The following FBRSL1 variants were observed in gnomAD, a reference collection of about 807,000 sequenced individuals.
FBRSL1 encodes fibrosin-1-like protein.
FBRSL1 carries 51 observed loss-of-function variants against 89.6 expected under a neutral mutation model. That is an observed-to-expected ratio of 0.57 (90% CI 0.45 to 0.72). The LOEUF (loss-of-function observed/expected upper bound fraction) is 0.72. Among genes scored for constraint, FBRSL1 ranks in the 30% least tolerant of loss-of-function variants. The pLI is 0.00. For synonymous variants in FBRSL1, 779 were observed against 681.1 expected, an observed-to-expected ratio of 1.14 and a Z score of -2.24; for missense variants, 1,618 against 1,451.8, an observed-to-expected ratio of 1.11 and a Z score of -1.86.
chr12:132,578,455 TGAG>T (rs1324727590), intron 15 of FBRSL1, among the ~76,000 whole-genome samples: 2 of 151,894 alleles, frequency 1.3e-5, no homozygotes, highest in Non-Finnish European at 2.9e-5. Flanking sequence ...CGGAGTGGGC[TGAG>T]GAGGAGGAGG....
At chr12:132,527,529 C>T (rs1275771763) in intron 3 of FBRSL1, among the ~76,000 whole-genome samples, 1 of 152,240 alleles carries the variant, frequency 6.6e-6, no homozygotes, top group Non-Finnish European at 1.5e-5. Flanking sequence ...GAGAGGATGT[C>T]TCGCTGGTGG....
rs1177278720 is a variant in FBRSL1, at chr12:132,583,802, C to G, written c.*24C>G. On this transcript the variant is annotated 3_prime_UTR_variant, in exon 19 of 19. Coordinates refer to ENST00000680143, the MANE Select transcript of FBRSL1 (RefSeq NM_001367871.1). ...AGCCCCGGGGCCGCAGACGCCTCTC[C>G]GAGCGGAGCGCACCGCTGTCCGTCT... 11 of 1,182,420 alleles carry G rather than the reference C, an allele frequency of 9.3e-6. No homozygotes were observed. Among genetic ancestry groups the G allele is most frequent in the South Asian group, 8.5e-5 (2 of 23,544 alleles). 73.2% of individuals were successfully genotyped at this position (1,182,420 alleles called of 1,614,324 possible). A position where few individuals can be genotyped will look rare whatever the true frequency, so the allele number is the denominator to read the frequency against.
chr12:132,525,682 C>T (rs556238887), intron 2 of FBRSL1, 52 bp from the exon 3 acceptor site: 78 of 1,463,460 alleles, frequency 5.3e-5, no homozygotes, highest in Non-Finnish European at 6.5e-5. Flanking sequence ...GGCCCCGATG[C>T]GGACGCGGTG....
chr12:132,578,343 TCA>T (rs3221291), intron 15 of FBRSL1, among the ~76,000 whole-genome samples: 19 of 141,086 alleles, frequency 1.3e-4, no homozygotes, highest in East Asian at 6.5e-4. Flanking sequence ...AGACCCTGTC[TCA>T]CACACACACA....
At chr12:132,551,693 C>T (rs1202438820) in intron 5 of FBRSL1, 2 of 414,212 alleles carry the variant, frequency 4.8e-6, no homozygotes, top group Admixed American at 2.4e-5. Flanking sequence ...ACCTCTCCAC[C>T]ACCTCCCTCA....
chr12:132,523,349 C>T (rs1037876507), intron 2 of FBRSL1, among the ~76,000 whole-genome samples: 2 of 152,144 alleles, frequency 1.3e-5, no homozygotes, highest in African/African-American at 2.4e-5. Flanking sequence ...ACCGGCCACC[C>T]GAGGAAGGGG....
At chr12:132,576,763 C>G (rs1205696502) in intron 14 of FBRSL1, 36 bp from the exon 15 acceptor site, 1 of 1,540,168 alleles carries the variant, frequency 6.5e-7, no homozygotes, top group Admixed American at 2.0e-5. Context: ...GGGCCAGTCC[C>G]CGGGCAGGCG....
chr12:132,574,334 C>G lies in FBRSL1; in HGVS notation c.1615C>G (p.Arg539Gly). 1.3e-6 allele frequency: 2 copies of G among 1,548,818 alleles called. No individual in the cohort carries two copies. The highest frequency in any genetic ancestry group is 1.7e-6 in the Non-Finnish European group (2 of 1,146,162). ...GTCTCCACAGGTGTCTGACCCGTAC[C>G]GGGCGGTGGTCAAGGTGAGCACGTG... ...QKAPGVSDPY[R>G]AVVKKPGRWC... is the part of the protein sequence containing the mutation. The change falls in exon 13 of 19, where the codon CGG (arginine) becomes GGG (glycine). Residue 539 changes from arginine to glycine, a missense_variant. Physicochemically the swap from Arg to Gly is moderately radical, Grantham distance 125 (BLOSUM62 -2). Coordinates refer to ENST00000680143, the MANE Select transcript of FBRSL1 (RefSeq NM_001367871.1).
In FBRSL1 at chr12:132,546,426, G is replaced by T. The variant is rs984392138; in HGVS notation, c.616-1577G>T. ...GGGCTGGGCGGGTGCAGGTGGGACT[G>T]AGGCCCTTCTCTACCTCTCACCCTG... On this transcript the variant is annotated intron_variant, in intron 4 of 18. Transcript: ENST00000680143. The surrounding 1 kb of genome is among the most constrained non-coding windows in gnomAD (Gnocchi z 4.0). 6.6e-6 allele frequency among the ~76,000 whole-genome samples: 1 copy of T among 152,378 alleles called. No homozygotes were observed. The highest frequency in any genetic ancestry group is 1.5e-5 in the Non-Finnish European group (1 of 68,038).
chr12:132,525,915 C>T (rs1375826683), intron 3 of FBRSL1, 92 bp downstream of exon 3: 7 of 1,064,604 alleles, frequency 6.6e-6, no homozygotes, highest in East Asian at 5.3e-5. Context: ...GAGTCTGGGC[C>T]GCCTGCCCAC....
chr12:132,507,497 C>A (rs1386418288), intron 1 of FBRSL1: 1 of 885,622 alleles, frequency 1.1e-6, no homozygotes, highest in Non-Finnish European at 1.4e-6. Context: ...TGTCCGCAGG[C>A]TAGAAGGTGC....
chr12:132,525,302 G>C (rs1333931250), intron 2 of FBRSL1, among the ~76,000 whole-genome samples: 1 of 152,232 alleles, frequency 6.6e-6, no homozygotes, highest in Non-Finnish European at 1.5e-5. Flanking sequence ...TGTACAGCCA[G>C]ATGGGGTGGT....
In FBRSL1 at chr12:132,574,311, C is replaced by T; in HGVS notation, c.1600-8C>T. 22 of 1,539,392 alleles carry T rather than the reference C, an allele frequency of 1.4e-5. No individual in the cohort carries two copies. The highest frequency in any genetic ancestry group is 1.9e-5 in the Non-Finnish European group (22 of 1,142,312). On this transcript the variant is annotated splice_polypyrimidine_tract_variant and splice_region_variant and intron_variant, in intron 12 of 18. Coordinates refer to ENST00000680143, the MANE Select transcript of FBRSL1 (RefSeq NM_001367871.1). ...CCCGGACCTCACACTCCTTTCCTGT[C>T]TCCACAGGTGTCTGACCCGTACCGG...
chr12:132,492,044 G>A lies in FBRSL1; in HGVS notation c.291+1183G>A, dbSNP rs577244357. Among the ~76,000 whole-genome samples, 13 of 152,334 alleles carry A rather than the reference G, an allele frequency of 8.5e-5. 3 individuals are homozygous for A. Among genetic ancestry groups the A allele is most frequent in the African/African-American group, 3.1e-4 (13 of 41,576 alleles). The stretch of plus-strand genomic sequence containing the variant: ...CTCTGTGCTGGGACGGGATGGCCCT[G>A]GGGCTGTCTTCTGCCCTCTCAGTGG... On this transcript the variant is annotated intron_variant, in intron 1 of 18. Coordinates refer to ENST00000680143, the MANE Select transcript of FBRSL1 (RefSeq NM_001367871.1).
At chr12:132,569,904 C>G in intron 6 of FBRSL1, 22 bp from the exon 7 acceptor site, 2 of 1,372,192 alleles carry the variant, frequency 1.5e-6, no homozygotes, top group Non-Finnish European at 1.9e-6. Context: ...CTGGTCTGAA[C>G]GCAGCCACCC....
Position 132,561,285 on chromosome 12 carries a change from G to C in FBRSL1, c.646-6196G>C, listed in dbSNP as rs150533819. ...GAATGGGTGCTGGATGGCCCCAGCCGCGCGGCCCGTGCGGAAGACCCTCCC... is the reference window on the plus strand; with the variant it reads ...GAATGGGTGCTGGATGGCCCCAGCCCCGCGGCCCGTGCGGAAGACCCTCCC... On this transcript the variant is annotated intron_variant, in intron 5 of 18. Coordinates refer to ENST00000680143, the MANE Select transcript of FBRSL1 (RefSeq NM_001367871.1). 3.6e-3 allele frequency among the ~76,000 whole-genome samples: 543 copies of C among 152,312 alleles called. 2 individuals are homozygous for C. Among genetic ancestry groups the C allele is most frequent in the African/African-American group, 0.013 (522 of 41,578 alleles).
intron 4 of FBRSL1, among the ~76,000 whole-genome samples, chr12:132,545,701 C>T (rs1279950065): frequency 2.0e-5 from 3 of 152,192 alleles, no homozygotes; most frequent in South Asian, 4.1e-4. Flanking sequence ...GATCTGGGTG[C>T]GGGGATAAGA....
At chr12:132,498,829 G>A (rs935902758) in intron 1 of FBRSL1, among the ~76,000 whole-genome samples, 2 of 152,228 alleles carry the variant, frequency 1.3e-5, no homozygotes, top group East Asian at 1.9e-4. Context: ...AGCTGGAGGC[G>A]CAGCTGCAGC....
At chr12:132,541,248 C>CCCCTA (rs1427024346) in intron 4 of FBRSL1, among the ~76,000 whole-genome samples, 1 of 152,134 alleles carries the variant, frequency 6.6e-6, no homozygotes. Flanking sequence ...CCACACCACA[C>CCCCTA]CCCTACCCTG....
Sources: gnomAD v4.1 joint callset for allele counts (sites outside exome capture counted in the v4.1 genomes callset) on GRCh38, gnomAD v4.1.1 for gene constraint, Gnocchi (gnomAD v3.1) non-coding constraint, MANE v1.5 for transcripts, NCBI Gene and HGNC (gene_info 2026-07-23, HGNC 2026-07-21) for gene names.